Variants in FSD1L observed in about 807,000 individuals in gnomAD.
FSD1L encodes fibronectin type III and SPRY domain containing 1 like.
A neutral mutation model predicts 71.6 loss-of-function variants in FSD1L; 45 were observed. The observed-to-expected ratio is 0.63, with a 90% CI of 0.49 to 0.81. FSD1L has a LOEUF of 0.81. Among genes scored for constraint, FSD1L ranks in the 30% least tolerant of loss-of-function variants. The probability of loss-of-function intolerance (pLI) is 0.00; values close to 1 mark genes in which losing one functional copy is unlikely to be tolerated. For missense variants in FSD1L, 561 were observed against 618.1 expected (o/e 0.91, Z 0.98); for synonymous variants, 197 against 207.2 (o/e 0.95, Z 0.42).
rs754896606 is a variant in FSD1L, at chr9:105,533,416, CTTTTTTT to C, written c.1026-1059_1026-1053del. On this transcript the variant is annotated intron_variant, in intron 10 of 13. Coordinates refer to ENST00000481272, the MANE Select transcript of FSD1L (RefSeq NM_001145313.3). Reference sequence around the variant, plus strand: ...GGATTTGGATAATTGCCATTTCCATCTTTTTTTTTTTTTTTTTTTTTTTTGAGATGGC... The same window carrying C: ...GGATTTGGATAATTGCCATTTCCATCTTTTTTTTTTTTTTTTTGAGATGGC... Among the ~76,000 whole-genome samples the C allele has an allele frequency of 4.5e-4, 13 of 29,070 alleles. 1 individual carries two copies. Among genetic ancestry groups the C allele is most frequent in the Middle Eastern group, 0.05 (1 of 20 alleles). The allele number at this position is 29,070 out of a possible 152,430, so 19.1% of individuals were successfully genotyped here.
In FSD1L at chr9:105,448,104, T is replaced by C; in HGVS notation, c.-117T>C. 5 of 1,167,060 alleles carry C rather than the reference T, an allele frequency of 4.3e-6. No individual in the cohort carries two copies. The highest frequency in any genetic ancestry group is 6.2e-6 in the Non-Finnish European group (5 of 809,588). The allele number at this position is 1,167,060 out of a possible 1,614,324, so 72.3% of individuals were successfully genotyped here. Reference sequence around the variant, plus strand: ...GGCGCGGACGGGTGGGGCCGGGCGGTGCCGGTGCGGGCTGGGGCAGTGCAG... The same window carrying C: ...GGCGCGGACGGGTGGGGCCGGGCGGCGCCGGTGCGGGCTGGGGCAGTGCAG... On this transcript the variant is annotated 5_prime_UTR_variant, in exon 1 of 14. Transcript: ENST00000481272.
chr9:105,481,254 T>C (rs1204961889), intron 6 of FSD1L, among the ~76,000 whole-genome samples: 1 of 148,096 alleles, frequency 6.8e-6, no homozygotes, highest in Non-Finnish European at 1.5e-5. Flanking sequence ...GAATTTTTAC[T>C]TCCTGCCCGA....
At chr9:105,479,792 G>A (rs1398501616) in intron 6 of FSD1L, among the ~76,000 whole-genome samples, 6 of 152,092 alleles carry the variant, frequency 3.9e-5, no homozygotes, top group East Asian at 1.9e-4. Context: ...GAACTAAAGC[G>A]CTCCTATTTC....
intron 10 of FSD1L, among the ~76,000 whole-genome samples, chr9:105,519,837 CG>C (rs1835001287): frequency 1.3e-5 from 2 of 152,098 alleles, no homozygotes; most frequent in East Asian, 1.9e-4. Flanking sequence ...CCGCTGGAGA[CG>C]AGCGGCGGCG....
chr9:105,450,555 C>G (rs1313932682), intron 1 of FSD1L, among the ~76,000 whole-genome samples: 2 of 140,284 alleles, frequency 1.4e-5, no homozygotes, highest in South Asian at 4.5e-4. Context: ...TTTTTTGAGA[C>G]GGAGTTTTGC....
At chr9:105,465,208 G>A (rs1830977947) in intron 3 of FSD1L, among the ~76,000 whole-genome samples, 1 of 152,132 alleles carries the variant, frequency 6.6e-6, no homozygotes, top group Admixed American at 6.5e-5. Context: ...GACTGAATCA[G>A]AAAGAAATAG....
chr9:105,540,997 T>C (rs943467113), intron 13 of FSD1L, among the ~76,000 whole-genome samples: 1 of 152,252 alleles, frequency 6.6e-6, no homozygotes, highest in East Asian at 1.9e-4. Context: ...TAAGTCAAGA[T>C]GGTATATTTC....
upstream of FSD1L, chr9:105,447,816 C>T (rs540523551): frequency 6.8e-6 from 2 of 295,928 alleles, no homozygotes; most frequent in East Asian, 2.1e-4. Context: ...GGGCCCTCCG[C>T]ACCGGCCGGC....
intron 10 of FSD1L, among the ~76,000 whole-genome samples, chr9:105,528,351 C>T (rs1395695485): frequency 6.6e-6 from 1 of 152,196 alleles, no homozygotes; most frequent in Non-Finnish European, 1.5e-5. Flanking sequence ...AAGAACAAAG[C>T]TAGAGGCATC....
chr9:105,446,860 ACTGT>A (rs772747302), upstream of FSD1L, among the ~76,000 whole-genome samples: 11 of 151,968 alleles, frequency 7.2e-5, no homozygotes, highest in African/African-American at 2.2e-4. Context: ...ATCATAAATG[ACTGT>A]CTAATTGAAC....
At chr9:105,533,711 G>A (rs887657872) in intron 10 of FSD1L, among the ~76,000 whole-genome samples, 22 of 99,688 alleles carry the variant, frequency 2.2e-4, no homozygotes, top group South Asian at 5.6e-4. Flanking sequence ...ATGAGCCACC[G>A]CGTGCAGCCC....
intron 6 of FSD1L, 35 bp from the exon 7 acceptor site, chr9:105,484,346 C>CTTTATTTTAAAAAGTATGTTTGTGT: frequency 7.1e-7 from 1 of 1,406,380 alleles, no homozygotes; most frequent in Non-Finnish European, 9.3e-7. Context: ...CTTCCTATTT[C>CTTTATTTTAAAAAGTATGTTTGTGT]TTTATTTTAA....
intron 8 of FSD1L, 30 bp from the exon 9 acceptor site, chr9:105,508,587 T>C (rs1048338715): frequency 3.8e-6 from 5 of 1,311,788 alleles, no homozygotes; most frequent in Middle Eastern, 1.8e-4. Context: ...TTACTGTACA[T>C]GTCTGAAAAC....
Position 105,486,152 on chromosome 9 carries a change from A to G in FSD1L, c.586+1650A>G, listed in dbSNP as rs186148428. 5.9e-5 allele frequency among the ~76,000 whole-genome samples: 9 copies of G among 152,334 alleles called. No homozygotes were observed. In the East Asian group the frequency reaches 1.7e-3, roughly 29 times the overall value. ...CTCTAGAGGAGTTCATAAAATGAAA[A>G]GATGAGAGAAGGAACTGTAGTTGTA... On this transcript the variant is annotated intron_variant, in intron 7 of 13. Coordinates refer to ENST00000481272, the MANE Select transcript of FSD1L (RefSeq NM_001145313.3).
chr9:105,525,187 T>G (rs1208175963), intron 10 of FSD1L: 13 of 1,596,430 alleles, frequency 8.1e-6, no homozygotes, highest in Non-Finnish European at 8.5e-7. Context: ...CGACATCTAA[T>G]GAATGCTTAG....
rs186970558 is a variant in FSD1L, at chr9:105,512,999, A to G, written c.1025+63A>G. 7.8e-5 allele frequency: 105 copies of G among 1,339,788 alleles called. No homozygotes were observed. In the African/African-American group the frequency reaches 1.1e-3, roughly 14 times the overall value. 83.0% of individuals were successfully genotyped at this position (1,339,788 alleles called of 1,614,324 possible). On this transcript the variant is annotated intron_variant, in intron 10 of 13. Transcript: ENST00000481272. ...CTTGTACACTGGTTCTTATTTAACAATAACTTTTATTGAAATTCTTAGTCA... is the reference window on the plus strand; with the variant it reads ...CTTGTACACTGGTTCTTATTTAACAGTAACTTTTATTGAAATTCTTAGTCA...
At chr9:105,497,298 T>A (rs1833473886) in intron 7 of FSD1L, among the ~76,000 whole-genome samples, 1 of 152,220 alleles carries the variant, frequency 6.6e-6, no homozygotes, top group Non-Finnish European at 1.5e-5. Context: ...CACATCTAAT[T>A]TATGAGACAT....
chr9:105,485,540 T>TTG (rs1832486222), intron 7 of FSD1L, among the ~76,000 whole-genome samples: 1 of 149,930 alleles, frequency 6.7e-6, no homozygotes, highest in East Asian at 1.9e-4. Flanking sequence ...GGTGTTTTTT[T>TTG]TTTTTTTTTT....
intron 1 of FSD1L, among the ~76,000 whole-genome samples, chr9:105,454,645 A>G (rs1470464189): frequency 6.6e-6 from 1 of 152,130 alleles, no homozygotes; most frequent in Non-Finnish European, 1.5e-5. Flanking sequence ...CCTTGACTTT[A>G]CTGGGTAAAA....
Sources: gnomAD v4.1 joint callset for allele counts (sites outside exome capture counted in the v4.1 genomes callset) on GRCh38, gnomAD v4.1.1 for gene constraint, MANE v1.5 for transcripts, NCBI Gene and HGNC (gene_info 2026-07-23, HGNC 2026-07-21) for gene names.